WDR44: variants seen among roughly 807,000 people sequenced by gnomAD.
WDR44 encodes WD repeat domain 44.
A neutral mutation model predicts 65.7 loss-of-function variants in WDR44; 9 were observed. The observed-to-expected ratio is 0.14, with a 90% CI of 0.08 to 0.24. WDR44 has a LOEUF of 0.24. WDR44 is among the 10% of genes least tolerant of loss of function. WDR44 has a pLI of 1.00. For missense variants in WDR44, 425 were observed against 670.9 expected (o/e 0.63, Z 4.05); for synonymous variants, 220 against 235.2 (o/e 0.94, Z 0.59).
intron 1 of WDR44, among the ~76,000 whole-genome samples, chrX:118,356,615 C>A (rs6645483): frequency 0.16 from 17,057 of 108,639 alleles, 2,475 homozygotes; most frequent in African/African-American, 0.44. Flanking sequence ...CCTAATCAAA[C>A]CTCTATTGGC....
chrX:118,372,980 T>G (rs2056627454), intron 1 of WDR44, among the ~76,000 whole-genome samples: 1 of 110,593 alleles, frequency 9.0e-6, no homozygotes, highest in Non-Finnish European at 1.9e-5. Context: ...TCCCAGCTAC[T>G]TGGGAGGCTG....
chrX:118,410,842 G>A, intron 11 of WDR44, 53 bp from the exon 12 acceptor site: 1 of 971,046 alleles, frequency 1.0e-6, no homozygotes, highest in Middle Eastern at 2.6e-4. Context: ...ATATTTTGGT[G>A]GGTCTGTGTG....
chrX:118,412,052 C>G (rs188849482), intron 12 of WDR44, among the ~76,000 whole-genome samples: 27 of 112,109 alleles, frequency 2.4e-4, no homozygotes, highest in Middle Eastern at 4.6e-3. Flanking sequence ...ACAGAAGGTA[C>G]TACACAAAAA....
At chrX:118,406,314 C>G in intron 9 of WDR44, among the ~76,000 whole-genome samples, 1 of 110,657 alleles carries the variant, frequency 9.0e-6, no homozygotes, top group Non-Finnish European at 1.9e-5. Context: ...ATCTGTAATC[C>G]CAACACTTTG....
intron 2 of WDR44, among the ~76,000 whole-genome samples, chrX:118,381,194 C>T (rs763962488): frequency 2.7e-5 from 3 of 111,727 alleles, no homozygotes; most frequent in South Asian, 3.8e-4. Context: ...AGAGATGGGG[C>T]GCAGTGGCTC....
At position 118,346,458 on chromosome X, in the gene WDR44, TCCTC is replaced by T. The variant is rs2056350257; in HGVS notation, c.-44_-41del. The T allele has an allele frequency of 8.8e-7, 1 of 1,137,946 alleles. No individual in the cohort carries two copies. The allele number at this position is 1,137,946 out of a possible 1,213,427, so 93.8% of individuals were successfully genotyped here. On this transcript the variant is annotated 5_prime_UTR_variant, in exon 1 of 20. Coordinates refer to ENST00000254029, the MANE Select transcript of WDR44 (RefSeq NM_019045.5). ...ACGAGGAGGAGACAAGAGTCACCCT[TCCTC>T]CAGGCGGCGCCGGCCCCCTCACCCG... is the stretch of plus-strand genomic sequence containing the variant.
At chrX:118,370,419 G>A (rs1406809197) in intron 1 of WDR44, among the ~76,000 whole-genome samples, 1 of 109,634 alleles carries the variant, frequency 9.1e-6, no homozygotes, top group Non-Finnish European at 1.9e-5. Context: ...CGCAAGATCT[G>A]GTTGTTTAAA....
intron 12 of WDR44, among the ~76,000 whole-genome samples, chrX:118,418,907 G>A (rs1048485218): frequency 2.7e-5 from 3 of 110,567 alleles, no homozygotes; most frequent in Non-Finnish European, 3.8e-5. Flanking sequence ...ATGAAGTTGC[G>A]TACCTAGGAA....
At chrX:118,353,691 A>G (rs917107329) in intron 1 of WDR44, among the ~76,000 whole-genome samples, 1 of 112,694 alleles carries the variant, frequency 8.9e-6, no homozygotes, top group African/African-American at 3.2e-5. Context: ...CACTGCATCC[A>G]ATAGCCATCC....
chrX:118,400,067 G>T (rs1442013614), intron 8 of WDR44, among the ~76,000 whole-genome samples: 1 of 107,529 alleles, frequency 9.3e-6, no homozygotes, highest in Admixed American at 1.0e-4. Flanking sequence ...CGGCCTGGGT[G>T]ACAGAGCAAG....
chrX:118,447,875 A>AATATATAT lies in WDR44; in HGVS notation c.2648-986_2648-979dup, dbSNP rs10570740. On this transcript the variant is annotated intron_variant, in intron 19 of 19. Coordinates refer to ENST00000254029, the MANE Select transcript of WDR44 (RefSeq NM_019045.5). Reference sequence around the variant, plus strand: ...TGCAACAGAGTGAGACTCTATCTAAAATATATATATATATATATATATATA... The same window carrying AATATATAT: ...TGCAACAGAGTGAGACTCTATCTAAAATATATATATATATATATATATATATATATATA... Among the ~76,000 whole-genome samples, 428 of 54,728 alleles carry AATATATAT rather than the reference A, an allele frequency of 7.8e-3. 7 individuals are homozygous for AATATATAT. Among genetic ancestry groups the AATATATAT allele is most frequent in the Middle Eastern group, 0.012 (1 of 81 alleles). The allele number at this position is 54,728 out of a possible 115,157, so 47.5% of individuals were successfully genotyped here. A position where few individuals can be genotyped will look rare whatever the true frequency, so the allele number is the denominator to read the frequency against.
In WDR44 at chrX:118,359,091, C is replaced by T. The variant is rs1602859853; in HGVS notation, c.77+12511C>T. On this transcript the variant is annotated intron_variant, in intron 1 of 19. Transcript: ENST00000254029. Reference sequence around the variant, plus strand: ...TCCATCTCAAAACCAAAAAAAAAATCTTAGCACTTTAGCTTGATAAAGCTT... The same window carrying T: ...TCCATCTCAAAACCAAAAAAAAAATTTTAGCACTTTAGCTTGATAAAGCTT... Among the ~76,000 whole-genome samples the T allele has an allele frequency of 2.7e-5, 3 of 111,382 alleles. No homozygotes were observed. The East Asian group carries it at 8.5e-4, about 31-fold the overall frequency.
At chrX:118,420,362 C>G (rs1281932533) in intron 12 of WDR44, among the ~76,000 whole-genome samples, 2 of 110,738 alleles carry the variant, frequency 1.8e-5, no homozygotes, top group African/African-American at 6.6e-5. Flanking sequence ...AAGGGGTTCT[C>G]CTGCCTCAGC....
intron 1 of WDR44, among the ~76,000 whole-genome samples, chrX:118,362,396 G>T (rs1184228664): frequency 9.0e-6 from 1 of 111,394 alleles, no homozygotes; most frequent in African/African-American, 3.3e-5. Context: ...TGTTGACTGA[G>T]GACAGTTTCA....
In WDR44 at chrX:118,368,699, C is replaced by A. The variant is rs921641041; in HGVS notation, c.78-9720C>A. On this transcript the variant is annotated intron_variant, in intron 1 of 19. Coordinates refer to ENST00000254029, the MANE Select transcript of WDR44 (RefSeq NM_019045.5). ...GCCACTAATCATATGAAGTAGCAAT[C>A]CACATACTCTTCCTTTTTTTTTTTT... 4.2e-4 allele frequency among the ~76,000 whole-genome samples: 40 copies of A among 94,220 alleles called. 1 individual carries two copies. The highest frequency in any genetic ancestry group is 1.7e-3 in the African/African-American group (39 of 23,145). 81.8% of individuals were successfully genotyped at this position (94,220 alleles called of 115,157 possible).
At chrX:118,444,954 A>C in intron 19 of WDR44, 1 of 330,217 alleles carries the variant, frequency 3.0e-6, no homozygotes, top group East Asian at 9.7e-5. Flanking sequence ...TTTCAGTAAT[A>C]TATTTCCTCA....
intron 1 of WDR44, among the ~76,000 whole-genome samples, chrX:118,370,086 G>C (rs2056601448): frequency 8.9e-6 from 1 of 111,854 alleles, no homozygotes; most frequent in African/African-American, 3.3e-5. Flanking sequence ...TTTGACATTA[G>C]TCTAGGCAAT....
intron 8 of WDR44, among the ~76,000 whole-genome samples, chrX:118,403,540 A>G (rs2056938298): frequency 8.9e-6 from 1 of 111,967 alleles, no homozygotes; most frequent in South Asian, 3.7e-4. Flanking sequence ...TGACTATTCT[A>G]AACAGTGTTA....
At chrX:118,356,415 G>A (rs991868004) in intron 1 of WDR44, among the ~76,000 whole-genome samples, 2 of 110,977 alleles carry the variant, frequency 1.8e-5, no homozygotes, top group Non-Finnish European at 3.8e-5. Flanking sequence ...TTGTTTTATA[G>A]ATTGTTGTCA....
Sources: allele counts gnomAD v4.1 joint callset (sites outside exome capture counted in the v4.1 genomes callset), GRCh38; gene constraint gnomAD v4.1.1; transcripts MANE v1.5; gene names NCBI Gene and HGNC (gene_info 2026-07-23, HGNC 2026-07-21).